The following VPS16 variants were observed in gnomAD, a reference collection of about 807,000 sequenced individuals.
VPS16 encodes the protein VPS16 core subunit of CORVET and HOPS complexes.
Under a neutral mutation model 116.0 loss-of-function variants are expected in VPS16, and 82 were observed. The observed-to-expected ratio is 0.71, with a 90% confidence interval of 0.59 to 0.85. VPS16 has a LOEUF of 0.85. Among genes scored for constraint, VPS16 ranks in the 40% least tolerant of loss-of-function variants. The pLI, the probability that VPS16 is intolerant of heterozygous loss-of-function variation, is 0.00. For synonymous variants in VPS16, 406 were observed against 420.7 expected (o/e 0.96, Z 0.43); for missense variants, 928 against 1,090.6 (o/e 0.85, Z 2.10).
At chr20:2,847,138 C>T (rs2089068286) in intron 1 of VPS16, among the ~76,000 whole-genome samples, 1 of 152,214 alleles carries the variant, frequency 6.6e-6, no homozygotes, top group African/African-American at 2.4e-5. Flanking sequence ...TCTAAGGCTT[C>T]AGGAGGTGGT....
At position 2,866,202 on chromosome 20, in the gene VPS16, C is replaced by T; in HGVS notation, c.2272-10C>T. Reference sequence around the variant, plus strand: ...TACCTTCTCCCTCCACCCGCTTCCTCTCCTCCAAGCCTTTTGTGGAGATCT... The same window carrying T: ...TACCTTCTCCCTCCACCCGCTTCCTTTCCTCCAAGCCTTTTGTGGAGATCT... On this transcript the variant is annotated splice_polypyrimidine_tract_variant and intron_variant, in intron 22 of 23. Transcript: ENST00000380445. The T allele has an allele frequency of 6.2e-7, 1 of 1,613,936 alleles. No individual in the cohort carries two copies. Among genetic ancestry groups the T allele is most frequent in the Non-Finnish European group, 8.5e-7 (1 of 1,179,878 alleles).
At position 2,861,636 on chromosome 20, in the gene VPS16, G is replaced by C; in HGVS notation, c.831G>C (p.Lys277Asn). The C allele has an allele frequency of 6.2e-7, 1 of 1,612,664 alleles. No individual in the cohort carries two copies. The highest frequency in any genetic ancestry group is 8.5e-7 in the Non-Finnish European group (1 of 1,179,716). Residue 277 changes from lysine (K) to asparagine (N), a missense_variant, in exon 9 of 24, where the codon AAG (lysine) becomes AAC (asparagine). Physicochemically the swap from Lys to Asn is moderately conservative, Grantham distance 94. Transcript: ENST00000380445. Reference protein sequence around the residue: ...QMVWCSRPRSKERAVVVAWER... With the variant: ...QMVWCSRPRSNERAVVVAWER... Reference sequence around the variant, plus strand: ...ACAGGTGCAGCCGTCCTCGTAGCAAGGAGAGGGCCGTGGTGGTGGCCTGGG... The same window carrying C: ...ACAGGTGCAGCCGTCCTCGTAGCAACGAGAGGGCCGTGGTGGTGGCCTGGG...
chr20:2,849,297 ATTCT>A (rs1433412673), intron 1 of VPS16, among the ~76,000 whole-genome samples: 1 of 134,912 alleles, frequency 7.4e-6, no homozygotes, highest in Non-Finnish European at 1.5e-5. Context: ...AAGGAATAAG[ATTCT>A]TTTTTTTTTT....
Position 2,840,845 on chromosome 20 carries a change from C to T in VPS16, c.53+18C>T, listed in dbSNP as rs1460788146. ...TTTTACCGGTGAGCTGCCCCGCCCT[C>T]CCGCCCACGGCCTGGCTTACCCTGC... On this transcript the variant is annotated intron_variant, in intron 1 of 23. Transcript: ENST00000380445. 3.9e-6 allele frequency: 6 copies of T among 1,543,922 alleles called. No individual in the cohort carries two copies. The highest frequency in any genetic ancestry group is 2.7e-5 in the African/African-American group (2 of 72,844).
chr20:2,854,960 A>ATTTTTTTT lies in VPS16; in HGVS notation c.54-4748_54-4741dup, dbSNP rs547295825. Among the ~76,000 whole-genome samples, 534 of 110,064 alleles carry ATTTTTTTT rather than the reference A, an allele frequency of 4.9e-3. 17 individuals are homozygous for ATTTTTTTT. The highest frequency in any genetic ancestry group is 0.011 in the Middle Eastern group (2 of 182). 72.2% of individuals were successfully genotyped at this position (110,064 alleles called of 152,430 possible). On this transcript the variant is annotated intron_variant, in intron 1 of 23. Coordinates refer to ENST00000380445, the MANE Select transcript of VPS16 (RefSeq NM_022575.4). ...CCAGATACGTTGTCAATGAGCAGTA[A>ATTTTTTTT]TTTTTTTTTTTTTTTTTTGAGATGG...
At chr20:2,846,072 G>T (rs1338401127) in intron 1 of VPS16, among the ~76,000 whole-genome samples, 1 of 149,420 alleles carries the variant, frequency 6.7e-6, no homozygotes, top group African/African-American at 2.5e-5. Context: ...TGCTGTGAAT[G>T]TGGGTCTACA....
At chr20:2,862,477 C>T (rs1239044727) in intron 11 of VPS16, 102 bp from the exon 12 acceptor site, 3 of 1,535,088 alleles carry the variant, frequency 2.0e-6, no homozygotes, top group East Asian at 2.3e-5. Flanking sequence ...CTGTGCAGCT[C>T]CTCCAACCCA....
At chr20:2,855,935 T>A (rs750035898) in intron 1 of VPS16, among the ~76,000 whole-genome samples, 1 of 152,248 alleles carries the variant, frequency 6.6e-6, no homozygotes, top group Non-Finnish European at 1.5e-5. Context: ...TGCTTTCTTA[T>A]CATTCCTGTA....
chr20:2,864,238 G>A lies in VPS16; in HGVS notation c.1671G>A (p.Arg557=), dbSNP rs765329603. ...EQVPLLLKMK[R]SKLALSKAIE... is the part of the protein sequence containing the mutation. The stretch of plus-strand genomic sequence containing the variant: ...TACCCCTTCTCCTAAAGATGAAGAG[G>A]AGCAAACTGGCACTAAGCAAGGCCA... Residue 557 remains arginine, a synonymous_variant, in exon 17 of 24, where the codon AGG becomes AGA. Transcript: ENST00000380445. This position sits in a 1 kb window ranked among gnomAD's most constrained non-coding sequence, Gnocchi z 5.2. The A allele has an allele frequency of 2.5e-6, 4 of 1,614,224 alleles. No individual in the cohort carries two copies. In the South Asian group the frequency reaches 3.3e-5, roughly 13 times the overall value.
chr20:2,852,985 T>C (rs2089136557), intron 1 of VPS16, among the ~76,000 whole-genome samples: 1 of 152,228 alleles, frequency 6.6e-6, no homozygotes, highest in Admixed American at 6.5e-5. Flanking sequence ...ACTTTCAAAA[T>C]TGGAGTTAAT....
chr20:2,865,863 T>G lies in VPS16; in HGVS notation c.2272-349T>G. 4.3e-6 allele frequency: 2 copies of G among 460,768 alleles called. No individual in the cohort carries two copies. Among genetic ancestry groups the G allele is most frequent in the East Asian group, 8.5e-5 (2 of 23,610 alleles). The allele number at this position is 460,768 out of a possible 1,614,324, so 28.5% of individuals were successfully genotyped here. On this transcript the variant is annotated intron_variant, in intron 22 of 23. Transcript: ENST00000380445. The surrounding 1 kb of genome is among the most constrained non-coding windows in gnomAD (Gnocchi z 5.2). ...AGGGCTGTTTTCTGTGGTGGGTAGT[T>G]CAGAGGTGTATAGGGCAGGTTTGAG...
In VPS16 at chr20:2,840,820, T is replaced by G; in HGVS notation, c.46T>G (p.Phe16Val). 8 of 1,547,708 alleles carry G rather than the reference T, an allele frequency of 5.2e-6. No homozygotes were observed. Among genetic ancestry groups the G allele is most frequent in the Non-Finnish European group, 6.1e-6 (7 of 1,146,408 alleles). ...CTGGAACCCACTCGGGGACTCTGCC[T>G]TTTACCGGTGAGCTGCCCCGCCCTC... ...ANWNPLGDSA[F>V]YRKYELYSMD... The change falls in exon 1 of 24, where the codon TTT becomes GTT. Residue 16 changes from phenylalanine to valine, a missense_variant. Physicochemically the swap from Phe to Val is conservative, Grantham distance 50. Transcript: ENST00000380445.
At position 2,866,286 on chromosome 20, in the gene VPS16, G is replaced by A. The variant is rs1279601976; in HGVS notation, c.2346G>A (p.Glu782=). Residue 782 remains glutamate (E), a synonymous_variant, in exon 23 of 24, where the codon GAG becomes GAA. Transcript: ENST00000380445. ...AKKYASRVGP[E]QKVKALLLVG... ...AGTATGCTTCCCGCGTGGGTCCCGA[G>A]CAGAAGGTCAAGGCTTTGCTTCTTG... 1 of 1,614,122 alleles carries A rather than the reference G, an allele frequency of 6.2e-7. No homozygotes were observed.
Position 2,860,854 on chromosome 20 carries a change from C to T in VPS16, c.621C>T (p.Cys207=), listed in dbSNP as rs1348387412. Residue 207 remains cysteine (C), a synonymous_variant, in exon 6 of 24, where the codon TGC becomes TGT. Coordinates refer to ENST00000380445, the MANE Select transcript of VPS16 (RefSeq NM_022575.4). The surrounding 1 kb of genome is among the most constrained non-coding windows in gnomAD (Gnocchi z 6.1). ...PDLYLLDHAA[C]SAVTPPGLAP... is the part of the protein sequence containing the mutation. Reference sequence around the variant, plus strand: ...TTTACCTCTTGGACCATGCAGCCTGCTCCGCAGTGGTAAGGGCCCTGAGTG... The same window carrying T: ...TTTACCTCTTGGACCATGCAGCCTGTTCCGCAGTGGTAAGGGCCCTGAGTG... The T allele has an allele frequency of 6.2e-7, 1 of 1,614,110 alleles. No homozygotes were observed. Among genetic ancestry groups the T allele is most frequent in the Non-Finnish European group, 8.5e-7 (1 of 1,180,032 alleles).
At chr20:2,849,865 G>A (rs1429651651) in intron 1 of VPS16, among the ~76,000 whole-genome samples, 2 of 152,214 alleles carry the variant, frequency 1.3e-5, no homozygotes, top group African/African-American at 4.8e-5. Flanking sequence ...TGATGCAAGT[G>A]CATACAGTGG....
rs573241129 is a variant in VPS16, at chr20:2,861,238, A to C, written c.767A>C (p.Glu256Ala). 12 of 1,614,050 alleles carry C rather than the reference A, an allele frequency of 7.4e-6. No individual in the cohort carries two copies. Among genetic ancestry groups the C allele is most frequent in the Non-Finnish European group, 9.3e-6 (11 of 1,180,042 alleles). ...ACACCATTTCAGGAGAAGCTATGTGAGTTCAACTGCAACATCCGGGCACCT... is the reference window on the plus strand; with the variant it reads ...ACACCATTTCAGGAGAAGCTATGTGCGTTCAACTGCAACATCCGGGCACCT... ...GTASLKEKLC[E>A]FNCNIRAPPK... is the part of the protein sequence containing the mutation. The change falls in exon 8 of 24, where the codon GAG becomes GCG. Residue 256 changes from glutamate (E) to alanine (A), a missense_variant. Coordinates refer to ENST00000380445, the MANE Select transcript of VPS16 (RefSeq NM_022575.4).
At chr20:2,866,011 G>A (rs747597551) in intron 22 of VPS16, 35 of 597,966 alleles carry the variant, frequency 5.9e-5, no homozygotes, top group Non-Finnish European at 9.8e-5. Context: ...CTCTGACAGA[G>A]CTTTGGTTTA....
chr20:2,843,013 A>G (rs2089024140), intron 1 of VPS16, among the ~76,000 whole-genome samples: 2 of 152,076 alleles, frequency 1.3e-5, no homozygotes, highest in Admixed American at 6.5e-5. Flanking sequence ...TCACTGACAT[A>G]TTAAAACTTT....
At position 2,864,612 on chromosome 20, in the gene VPS16, A is replaced by G. The variant is rs201347527; in HGVS notation, c.1884A>G (p.Glu628=). 5.6e-6 allele frequency: 9 copies of G among 1,614,116 alleles called. No homozygotes were observed. The African/African-American group carries it at 1.2e-4, about 22-fold the overall frequency. ...DLYNQDDNHQ[E]LGSFHIRASY... Reference sequence around the variant, plus strand: ...ACAATCAGGATGACAATCACCAGGAATTGGGCAGCTTCCACATCCGAGCCA... The same window carrying G: ...ACAATCAGGATGACAATCACCAGGAGTTGGGCAGCTTCCACATCCGAGCCA... Residue 628 remains glutamate (E), a synonymous_variant, in exon 19 of 24, where the codon GAA becomes GAG. Coordinates refer to ENST00000380445, the MANE Select transcript of VPS16 (RefSeq NM_022575.4). This position sits in a 1 kb window ranked among gnomAD's most constrained non-coding sequence, Gnocchi z 5.2.
Sources: allele counts gnomAD v4.1 joint callset (sites outside exome capture counted in the v4.1 genomes callset), GRCh38; gene constraint gnomAD v4.1.1; non-coding constraint Gnocchi (gnomAD v3.1); transcripts MANE v1.5; gene names NCBI Gene and HGNC (gene_info 2026-07-23, HGNC 2026-07-21).